MYO9B: variants seen among roughly 807,000 people sequenced by gnomAD.
MYO9B encodes the protein myosin IXB, also known as unconventional myosin-IXb.
MYO9B carries 71 observed loss-of-function variants against 229.5 expected under a neutral mutation model. The observed-to-expected ratio is 0.31, with a 90% CI of 0.26 to 0.38. The LOEUF (loss-of-function observed/expected upper bound fraction) is 0.38, where lower values mean the gene tolerates loss of function less well. Ranked by LOEUF, MYO9B falls within the 10% of genes least tolerant of loss-of-function variation. The pLI is 1.00. For synonymous variants in MYO9B, 1,185 were observed against 1,235.8 expected (o/e 0.96, Z 0.86); for missense variants, 2,255 against 2,920.5 (o/e 0.77, Z 5.25).
intron 1 of MYO9B, among the ~76,000 whole-genome samples, chr19:17,092,516 A>G (rs890190108): frequency 6.6e-6 from 1 of 152,166 alleles, no homozygotes; most frequent in Admixed American, 6.5e-5. Flanking sequence ...ACTTGAGGCT[A>G]GAAGTTGGAG....
chr19:17,153,237 G>A (rs952927831), intron 4 of MYO9B, among the ~76,000 whole-genome samples: 2 of 151,802 alleles, frequency 1.3e-5, no homozygotes, highest in Non-Finnish European at 2.9e-5. Flanking sequence ...AGGCTAGAGT[G>A]CAGTGGTGTG....
At chr19:17,150,427 G>C (rs1012948395) in intron 3 of MYO9B, among the ~76,000 whole-genome samples, 6 of 151,234 alleles carry the variant, frequency 4.0e-5, no homozygotes, top group African/African-American at 1.5e-4. Flanking sequence ...AAAAAAGACT[G>C]CTATGCTGGA....
At chr19:17,132,328 G>A (rs533631835) in intron 2 of MYO9B, among the ~76,000 whole-genome samples, 5 of 149,796 alleles carry the variant, frequency 3.3e-5, no homozygotes, top group African/African-American at 1.2e-4. Flanking sequence ...AGGGACTACA[G>A]GCTTGTGCCA....
chr19:17,211,853 G>A lies in MYO9B; in HGVS notation c.6059-42G>A, dbSNP rs774075582. 1.9e-5 allele frequency: 31 copies of A among 1,603,086 alleles called. 1 individual carries two copies. The highest frequency in any genetic ancestry group is 3.3e-5 in the South Asian group (3 of 90,124). Reference sequence around the variant, plus strand: ...CCAGGGCGAGGGTCCTCCGGCTGCCGGCCCTGAAGCTGCAGTAACCCTGCC... The same window carrying A: ...CCAGGGCGAGGGTCCTCCGGCTGCCAGCCCTGAAGCTGCAGTAACCCTGCC... On this transcript the variant is annotated intron_variant, in intron 39 of 39. Coordinates refer to ENST00000682292, the MANE Select transcript of MYO9B (RefSeq NM_004145.4).
At chr19:17,075,972 C>T (rs2057477746) in intron 1 of MYO9B, 98 bp downstream of exon 1, 2 of 150,390 alleles carry the variant, frequency 1.3e-5, no homozygotes, top group Admixed American at 6.6e-5. Flanking sequence ...ATGGGGGACG[C>T]GACGGCAGGG....
At chr19:17,094,078 C>T (rs1050164016) in intron 1 of MYO9B, among the ~76,000 whole-genome samples, 5 of 139,980 alleles carry the variant, frequency 3.6e-5, no homozygotes, top group African/African-American at 1.1e-4. Flanking sequence ...CTCTGTTCCC[C>T]GGGCTGGAGT....
chr19:17,083,709 C>T (rs985110395), intron 1 of MYO9B, among the ~76,000 whole-genome samples: 1 of 149,734 alleles, frequency 6.7e-6, no homozygotes, highest in Admixed American at 6.7e-5. Flanking sequence ...TGCAATGGCA[C>T]GGCCTCGGCT....
intron 20 of MYO9B, 144 bp downstream of exon 20, chr19:17,191,363 C>A: frequency 8.6e-7 from 1 of 1,156,446 alleles, no homozygotes; most frequent in African/African-American, 1.6e-5. Context: ...CAGCAGAGCA[C>A]TGCACCTAAG....
At chr19:17,149,994 G>T (rs995983520) in intron 3 of MYO9B, among the ~76,000 whole-genome samples, 1 of 152,222 alleles carries the variant, frequency 6.6e-6, no homozygotes, top group Non-Finnish European at 1.5e-5. Flanking sequence ...CTGGTTACTA[G>T]CCCGGCAAAG....
chr19:17,199,858 G>GTTTTTGT (rs1031458325), intron 24 of MYO9B, among the ~76,000 whole-genome samples: 1 of 147,914 alleles, frequency 6.8e-6, no homozygotes, highest in Non-Finnish European at 1.5e-5. Flanking sequence ...ATCCATTTTT[G>GTTTTTGT]TTTTTGTTTT....
intron 2 of MYO9B, among the ~76,000 whole-genome samples, chr19:17,143,237 C>CAA (rs60367856): frequency 0.1 from 15,416 of 148,854 alleles, 811 homozygotes; most frequent in Non-Finnish European, 0.11. Context: ...GACTCTGTTT[C>CAA]AAAAAAAAAA....
chr19:17,151,930 A>G (rs1000242986), intron 3 of MYO9B, among the ~76,000 whole-genome samples: 2 of 152,080 alleles, frequency 1.3e-5, no homozygotes, highest in Admixed American at 1.3e-4. Flanking sequence ...GCTCATGCCT[A>G]TAATTCCAGC....
intron 16 of MYO9B, 23 bp from the exon 17 acceptor site, chr19:17,184,842 C>G: frequency 6.2e-7 from 1 of 1,613,338 alleles, no homozygotes. Context: ...GAGGGCAGGC[C>G]GGACCCCATG....
chr19:17,209,971 C>A (rs923808837), intron 36 of MYO9B, among the ~76,000 whole-genome samples: 1 of 152,174 alleles, frequency 6.6e-6, no homozygotes. Context: ...GCTGGGGCCA[C>A]CAGGCCCTGC....
At chr19:17,136,604 C>T (rs537442622) in intron 2 of MYO9B, among the ~76,000 whole-genome samples, 3 of 150,716 alleles carry the variant, frequency 2.0e-5, no homozygotes, top group Admixed American at 2.0e-4. Flanking sequence ...CAGATGGCAT[C>T]GGGTAGGTGG....
intron 2 of MYO9B, among the ~76,000 whole-genome samples, chr19:17,109,438 A>G (rs1037564163): frequency 3.9e-5 from 6 of 152,176 alleles, no homozygotes; most frequent in African/African-American, 1.2e-4. Context: ...ATTTTCCTCC[A>G]TCATCTCTAA....
At chr19:17,190,064 C>CAAA (rs36086676) in intron 19 of MYO9B, among the ~76,000 whole-genome samples, 1 of 127,168 alleles carries the variant, frequency 7.9e-6, no homozygotes, top group Non-Finnish European at 1.7e-5. Flanking sequence ...GACTCCGTCT[C>CAAA]AAAAAAAAAA....
In MYO9B at chr19:17,184,759, C is replaced by T. The variant is rs964373554; in HGVS notation, c.2374-106C>T. On this transcript the variant is annotated intron_variant, in intron 16 of 39. Coordinates refer to ENST00000682292, the MANE Select transcript of MYO9B (RefSeq NM_004145.4). ...ACCTAAGAGCTGCTGCCCGGGCACTCGCTGCGGGGACGCTGTTCTGCCCTG... is the reference window on the plus strand; with the variant it reads ...ACCTAAGAGCTGCTGCCCGGGCACTTGCTGCGGGGACGCTGTTCTGCCCTG... 4.6e-5 allele frequency: 68 copies of T among 1,469,672 alleles called. No homozygotes were observed. The African/African-American group carries it at 8.4e-4, about 18-fold the overall frequency. 91.0% of individuals were successfully genotyped at this position (1,469,672 alleles called of 1,614,324 possible). A position where few individuals can be genotyped will look rare whatever the true frequency, so the allele number is the denominator to read the frequency against.
chr19:17,135,681 A>G (rs1211924039), intron 2 of MYO9B, among the ~76,000 whole-genome samples: 1 of 152,118 alleles, frequency 6.6e-6, no homozygotes, highest in Non-Finnish European at 1.5e-5. Flanking sequence ...AGCAGCCTCT[A>G]TGCATGGATA....
Sources: gnomAD v4.1 joint callset for allele counts (sites outside exome capture counted in the v4.1 genomes callset) on GRCh38, gnomAD v4.1.1 for gene constraint, MANE v1.5 for transcripts, NCBI Gene and HGNC (gene_info 2026-07-23, HGNC 2026-07-21) for gene names.